The following CPSF1 variants were observed in gnomAD, a reference collection of about 807,000 sequenced individuals.
CPSF1 encodes cleavage and polyadenylation specificity factor subunit 1.
CPSF1 carries 106 observed loss-of-function variants against 175.8 expected under a neutral mutation model. The ratio of observed to expected loss-of-function variants is 0.60; its 90% confidence interval spans 0.52 to 0.71. The LOEUF (loss-of-function observed/expected upper bound fraction) is 0.71. CPSF1 is among the 30% of genes least tolerant of loss of function. CPSF1 has a pLI of 0.00. For missense variants in CPSF1, 1,734 were observed against 2,022.9 expected (o/e 0.86, Z 2.74); for synonymous variants, 1,024 against 858.3 (o/e 1.19, Z -3.37).
In CPSF1 at chr8:144,397,570, G is replaced by A. The variant is rs782544896; in HGVS notation, c.2302C>T (p.Pro768Ser). Residue 768 changes from proline (P) to serine (S), a missense_variant, in exon 22 of 38, where the codon CCC becomes TCC. Pro to Ser is a moderately conservative substitution (Grantham distance 74, BLOSUM62 -1). Coordinates refer to ENST00000616140, the MANE Select transcript of CPSF1 (RefSeq NM_013291.3). ...SKEEARRSSQ[P>S]PADRDPAPFR... ...GGTGCAGGGTCCCGGTCAGCAGGGG[G>A]CTGGCTGCTTCTTCGGGCCTCCTCC... 1.0e-5 allele frequency: 16 copies of A among 1,545,414 alleles called. No individual in the cohort carries two copies. The highest frequency in any genetic ancestry group is 1.3e-5 in the Non-Finnish European group (15 of 1,140,726).
intron 23 of CPSF1, 38 bp downstream of exon 23, chr8:144,397,169 G>A: frequency 6.6e-6 from 10 of 1,505,318 alleles, no homozygotes; most frequent in Non-Finnish European, 8.9e-6. Context: ...AGGGCCAGGG[G>A]GAAGATGGGA....
chr8:144,395,215 G>T, intron 28 of CPSF1, 33 bp from the exon 29 acceptor site: 2 of 1,612,676 alleles, frequency 1.2e-6, no homozygotes, highest in South Asian at 2.2e-5. Context: ...TCAGAGTAGG[G>T]CTTCCCCAAG....
rs1820621555 is a variant in CPSF1 at position 144,395,019 on chromosome 8, C to T, written c.3277G>A (p.Glu1093Lys). The change falls in exon 30 of 38, where the codon GAG (glutamate) becomes AAG (lysine). Residue 1093 changes from glutamate to lysine, a missense_variant. Physicochemically the swap from Glu to Lys is moderately conservative, Grantham distance 56. Around this residue, in one of 10 missense-constraint regions of CPSF1, gnomAD observed 585 missense variants for 584.7 expected, o/e 1.00. Coordinates refer to ENST00000616140, the MANE Select transcript of CPSF1 (RefSeq NM_013291.3). ...SWEAIPNARI[E>K]LQEWEHVTCM... ...GTCACATGCTCCCACTCCTGCAGCT[C>T]GATCCTGTGGGGGCCAGGGGCCTCA... 1 of 1,608,752 alleles carries T rather than the reference C, an allele frequency of 6.2e-7. No individual in the cohort carries two copies. The highest frequency in any genetic ancestry group is 2.2e-5 in the East Asian group (1 of 44,824).
intron 2 of CPSF1, among the ~76,000 whole-genome samples, chr8:144,403,192 G>A (rs1480695955): frequency 6.6e-6 from 1 of 151,492 alleles, no homozygotes; most frequent in Non-Finnish European, 1.5e-5. Flanking sequence ...TGCCTTCCAG[G>A]TTCAAGCGAT....
In CPSF1 at chr8:144,394,723, A is replaced by T; in HGVS notation, c.3488T>A (p.Leu1163His). 6.2e-7 allele frequency: 1 copy of T among 1,613,486 alleles called. No homozygotes were observed. The highest frequency in any genetic ancestry group is 8.5e-7 in the Non-Finnish European group (1 of 1,179,916). ...GGGCCCCTTCTGCTCCTTCTCGTAA[A>T]GGACTTTGAACTTGTTCTTGGTCAA... Reference protein sequence around the residue: ...QPLTKNKFKVLYEKEQKGPVT... With the variant: ...QPLTKNKFKVHYEKEQKGPVT... Residue 1163 changes from leucine to histidine, a missense_variant, in exon 31 of 38, where the codon CTT becomes CAT. Leu to His is a moderately conservative substitution (Grantham distance 99, BLOSUM62 -3). Transcript: ENST00000616140.
intron 2 of CPSF1, among the ~76,000 whole-genome samples, chr8:144,408,292 C>T (rs1821605842): frequency 1.3e-5 from 2 of 152,186 alleles, no homozygotes; most frequent in African/African-American, 4.8e-5. Flanking sequence ...GTTTCTTCTG[C>T]CTGGAACACC....
At chr8:144,396,561 C>A (rs781963050) in intron 25 of CPSF1, 37 bp downstream of exon 25, 99 of 1,608,186 alleles carry the variant, frequency 6.2e-5, no homozygotes, top group Non-Finnish European at 7.0e-5. Context: ...GCCGCGTCTC[C>A]CTTCTACCAC....
chr8:144,398,717 G>C (rs921218371), intron 17 of CPSF1, 62 bp downstream of exon 17: 2 of 1,595,458 alleles, frequency 1.3e-6, no homozygotes, highest in East Asian at 2.2e-5. Context: ...GGGCACCCCC[G>C]GCCTATGAGA....
Position 144,399,691 on chromosome 8 carries a change from C to T in CPSF1, c.1139G>A (p.Gly380Glu), listed in dbSNP as rs2116865375. ...LTTSMVTMEPGYLFLGSRLGN... is the reference protein window; with the variant it reads ...LTTSMVTMEPEYLFLGSRLGN... ...CAGGCGAGAACCCAGGAACAGGTAC[C>T]CGGGCTCCATGGTGACCATCTGAGG... is the stretch of plus-strand genomic sequence containing the variant. Residue 380 changes from glycine to glutamate, a missense_variant, in exon 12 of 38, where the codon GGG (glycine) becomes GAG (glutamate). Gly to Glu is a moderately conservative substitution (Grantham distance 98). Around this residue, in one of 10 missense-constraint regions of CPSF1, gnomAD observed 162 missense variants for 169.5 expected, o/e 0.96. Coordinates refer to ENST00000616140, the MANE Select transcript of CPSF1 (RefSeq NM_013291.3). The surrounding 1 kb of genome is among the most constrained non-coding windows in gnomAD (Gnocchi z 6.4). 6.2e-7 allele frequency: 1 copy of T among 1,610,026 alleles called. No homozygotes were observed. Among genetic ancestry groups the T allele is most frequent in the East Asian group, 2.2e-5 (1 of 44,718 alleles).
rs2116861396 is a variant in CPSF1, at chr8:144,399,320, T to G, written c.1348A>C (p.Ser450Arg). Residue 450 changes from serine (S) to arginine (R), a missense_variant, in exon 14 of 38, where the codon AGC becomes CGC. Ser to Arg is a moderately radical substitution (Grantham distance 110). Around this residue, in one of 10 missense-constraint regions of CPSF1, gnomAD observed 6 missense variants for 21.9 expected, o/e 0.27. Transcript: ENST00000616140. The surrounding 1 kb of genome is among the most constrained non-coding windows in gnomAD (Gnocchi z 6.4). ...DEVDEIEVYGSEAQSGTQLAT... is the reference protein window; with the variant it reads ...DEVDEIEVYGREAQSGTQLAT... Reference sequence around the variant, plus strand: ...AGCTGTGTTCCCGACTGGGCCTCGCTGCCGTACACTTCAATCTCGTCCACC... The same window carrying G: ...AGCTGTGTTCCCGACTGGGCCTCGCGGCCGTACACTTCAATCTCGTCCACC... 1 of 1,612,386 alleles carries G rather than the reference T, an allele frequency of 6.2e-7. No individual in the cohort carries two copies. Among genetic ancestry groups the G allele is most frequent in the Non-Finnish European group, 8.5e-7 (1 of 1,179,992 alleles).
chr8:144,396,995 G>GAAGAGGTGGGCTGTGGGT (rs1276809931), intron 23 of CPSF1, 66 bp from the exon 24 acceptor site: 2 of 1,239,318 alleles, frequency 1.6e-6, no homozygotes, highest in East Asian at 4.9e-5. Context: ...TGGGCCATGG[G>GAAGAGGTGGGCTGTGGGT]AAGAGGTGGG....
chr8:144,401,180 G>T, intron 5 of CPSF1, 31 bp downstream of exon 5: 1 of 1,547,466 alleles, frequency 6.5e-7, no homozygotes, highest in Non-Finnish European at 8.7e-7. Flanking sequence ...GGCTGGGCGG[G>T]GCCTGGGCGG....
At position 144,394,796 on chromosome 8, in the gene CPSF1, T is replaced by G. The variant is rs1427149392; in HGVS notation, c.3415A>C (p.Ile1139Leu). 2 of 1,613,348 alleles carry G rather than the reference T, an allele frequency of 1.2e-6. No individual in the cohort carries two copies. The highest frequency in any genetic ancestry group is 1.7e-5 in the Admixed American group (1 of 59,976). The change falls in exon 31 of 38, where the codon ATC becomes CTC. Residue 1139 changes from isoleucine (I) to leucine (L), a missense_variant and splice_region_variant. Ile to Leu is a conservative substitution (Grantham distance 5, BLOSUM62 2). This residue lies in a region of CPSF1 where 62 missense variants were observed against 124.5 expected (regional missense o/e 0.50). Coordinates refer to ENST00000616140, the MANE Select transcript of CPSF1 (RefSeq NM_013291.3). ...ACCTCAATCACATCCATGATCAAGA[T>G]CTGGAGGGCATGGGTATGGCTGTGG... The part of the protein sequence containing the change: ...QGEEVTCRGR[I>L]LIMDVIEVVP...
chr8:144,407,002 G>A (rs2116907051), intron 2 of CPSF1, among the ~76,000 whole-genome samples: 12 of 151,198 alleles, frequency 7.9e-5, no homozygotes, highest in African/African-American at 2.7e-4. Flanking sequence ...TGCAACCTCC[G>A]CCTACGGGTT....
rs1265575867 is a variant in CPSF1, at chr8:144,399,456, C to G, written c.1290G>C (p.Trp430Cys). 11 of 1,612,886 alleles carry G rather than the reference C, an allele frequency of 6.8e-6. No homozygotes were observed. ...KKKRVDATAG[W>C]SAAGKSVPQD... The stretch of plus-strand genomic sequence containing the variant: ...CAGCCCTGGACCGGCCCTCACCTGA[C>G]CAGCCGGCCGTCGCATCCACTCGCT... Residue 430 changes from tryptophan to cysteine, a missense_variant, in exon 13 of 38, where the codon TGG (tryptophan) becomes TGC (cysteine). By Grantham distance (215) the Trp-to-Cys change is radical. Transcript: ENST00000616140. This position sits in a 1 kb window ranked among gnomAD's most constrained non-coding sequence, Gnocchi z 6.4.
chr8:144,394,003 G>A lies in CPSF1; in HGVS notation c.3895C>T (p.Arg1299Trp), dbSNP rs1419729322. 1 of 1,612,912 alleles carries A rather than the reference G, an allele frequency of 6.2e-7. No homozygotes were observed. Among genetic ancestry groups the A allele is most frequent in the Non-Finnish European group, 8.5e-7 (1 of 1,179,530 alleles). ...TGGGCACCCACGTGGAAGTCTGCCC[G>A]ACGCAGCAGGCGCATGCCCCCGAAA... Reference protein sequence around the residue: ...ESFGGMRLLRRADFHVGAHVN... With the variant: ...ESFGGMRLLRWADFHVGAHVN... The change falls in exon 35 of 38, where the codon CGG becomes TGG. Residue 1299 changes from arginine (R) to tryptophan (W), a missense_variant. Coordinates refer to ENST00000616140, the MANE Select transcript of CPSF1 (RefSeq NM_013291.3).
intron 26 of CPSF1, chr8:144,396,072 T>C (rs1211206706): frequency 5.9e-6 from 3 of 510,854 alleles, no homozygotes; most frequent in African/African-American, 1.9e-5. Context: ...TCCTGAGAAG[T>C]GTGGAGGCCA....
chr8:144,400,143 CGCCCCA>C lies in CPSF1; in HGVS notation c.937+17_937+22del, dbSNP rs1564693503. ...GCCCAAGCCGTCCCCGGGCCCCCCC[CGCCCCA>C]GCCACCCCACACTCACGAAGCGGGA... is the stretch of plus-strand genomic sequence containing the variant. On this transcript the variant is annotated intron_variant, in intron 9 of 37. Transcript: ENST00000616140. 3.3e-6 allele frequency: 4 copies of C among 1,222,610 alleles called. No individual in the cohort carries two copies. The highest frequency in any genetic ancestry group is 2.3e-6 in the Non-Finnish European group (2 of 882,710). The allele number at this position is 1,222,610 out of a possible 1,614,324, so 75.7% of individuals were successfully genotyped here. A position where few individuals can be genotyped will look rare whatever the true frequency, so the allele number is the denominator to read the frequency against.
Position 144,394,707 on chromosome 8 carries a change from C to T in CPSF1, c.3504G>A (p.Gln1168=), listed in dbSNP as rs1554862944. The T allele has an allele frequency of 2.5e-6, 4 of 1,613,186 alleles. No individual in the cohort carries two copies. The Admixed American group carries it at 5.0e-5, about 20-fold the overall frequency. The change falls in exon 31 of 38, where the codon CAG becomes CAA. Residue 1168 remains glutamine, a synonymous_variant. Coordinates refer to ENST00000616140, the MANE Select transcript of CPSF1 (RefSeq NM_013291.3). The part of the protein sequence containing the change: ...NKFKVLYEKE[Q]KGPVTALCHC... ...GGCACAGGGCGGTCACGGGCCCCTTCTGCTCCTTCTCGTAAAGGACTTTGA... is the reference window on the plus strand; with the variant it reads ...GGCACAGGGCGGTCACGGGCCCCTTTTGCTCCTTCTCGTAAAGGACTTTGA...
Sources: allele counts gnomAD v4.1 joint callset (sites outside exome capture counted in the v4.1 genomes callset), GRCh38; gene constraint gnomAD v4.1.1; regional missense constraint gnomAD v4.1.1; non-coding constraint Gnocchi (gnomAD v3.1); transcripts MANE v1.5; gene names NCBI Gene and HGNC (gene_info 2026-07-23, HGNC 2026-07-21).